The following ERI1 variants were observed in gnomAD, a reference collection of about 807,000 sequenced individuals.
ERI1 encodes the protein 3'-5' exoribonuclease 1.
A neutral mutation model predicts 39.7 loss-of-function variants in ERI1; 39 were observed. The observed-to-expected ratio is 0.98, with a 90% CI of 0.76 to 1.28. The LOEUF is 1.28. ERI1 is among the 50% of genes most tolerant of loss of function. The pLI is 0.00. For synonymous variants in ERI1, 204 were observed against 149.6 expected, an observed-to-expected ratio of 1.36 and a Z score of -2.65; for missense variants, 581 against 416.9, an observed-to-expected ratio of 1.39 and a Z score of -3.43.
downstream of ERI1, among the ~76,000 whole-genome samples, chr8:9,036,094 G>C (rs1797836363): frequency 6.6e-6 from 1 of 152,224 alleles, no homozygotes; most frequent in Admixed American, 6.5e-5. Flanking sequence ...GATTTCTTGA[G>C]ATGGAATCTA....
chr8:9,005,514 G>GTTTTTTT (rs60847461), intron 1 of ERI1, among the ~76,000 whole-genome samples: 3 of 130,820 alleles, frequency 2.3e-5, no homozygotes, highest in African/African-American at 5.6e-5. Context: ...GTTTTTTTAT[G>GTTTTTTT]TTTTTTTTTT....
chr8:9,092,327 A>G (rs1799733041), intron 3 of ERI1, among the ~76,000 whole-genome samples: 1 of 151,976 alleles, frequency 6.6e-6, no homozygotes, highest in Non-Finnish European at 1.5e-5. Flanking sequence ...TTATTTGGAG[A>G]GGATTTGGAG....
chr8:9,035,607 C>G (rs899110422), downstream of ERI1, among the ~76,000 whole-genome samples: 1 of 152,154 alleles, frequency 6.6e-6, no homozygotes, highest in Admixed American at 6.5e-5. Context: ...GACAATGCAT[C>G]TGGTCATCCA....
chr8:9,018,260 G>C (rs531042135), intron 4 of ERI1, 37 bp from the exon 5 acceptor site: 5 of 1,286,214 alleles, frequency 3.9e-6, no homozygotes, highest in South Asian at 1.2e-5. Context: ...TGAAGCTGCA[G>C]CCCTGATTTT....
chr8:9,063,982 G>A (rs573432007), intron 3 of ERI1, among the ~76,000 whole-genome samples: 6 of 152,126 alleles, frequency 3.9e-5, no homozygotes, highest in East Asian at 3.9e-4. Flanking sequence ...GTAGAGACAC[G>A]GAGGGAAGGG....
chr8:9,018,853 G>C (rs1032009839), intron 5 of ERI1, among the ~76,000 whole-genome samples: 2 of 152,122 alleles, frequency 1.3e-5, no homozygotes, highest in African/African-American at 4.8e-5. Flanking sequence ...TGTACTGAGA[G>C]TGTCTTCTCG....
intron 3 of ERI1, among the ~76,000 whole-genome samples, chr8:9,041,747 C>G (rs1004329567): frequency 2.0e-5 from 3 of 152,160 alleles, no homozygotes; most frequent in Admixed American, 1.3e-4. Context: ...AGATTTCTTT[C>G]TTTTTAGACA....
At chr8:9,022,323 C>G (rs1019118425) in intron 6 of ERI1, among the ~76,000 whole-genome samples, 2 of 152,072 alleles carry the variant, frequency 1.3e-5, no homozygotes, top group Non-Finnish European at 2.9e-5. Context: ...GTGTATTTTA[C>G]TGGTCTATAG....
intron 3 of ERI1, among the ~76,000 whole-genome samples, chr8:9,044,696 C>G (rs866182202): frequency 6.6e-6 from 1 of 152,088 alleles, no homozygotes; most frequent in Middle Eastern, 3.4e-3. Flanking sequence ...GTTTACCAAG[C>G]AGCAGACACA....
At chr8:9,006,155 C>G (rs1275513421) in intron 1 of ERI1, among the ~76,000 whole-genome samples, 3 of 152,182 alleles carry the variant, frequency 2.0e-5, no homozygotes, top group African/African-American at 4.8e-5. Flanking sequence ...TATTTTCTTT[C>G]TGCTCCTTGG....
At chr8:9,053,109 C>T (rs1012609719) in intron 3 of ERI1, among the ~76,000 whole-genome samples, 12 of 152,270 alleles carry the variant, frequency 7.9e-5, no homozygotes, top group African/African-American at 2.9e-4. Flanking sequence ...CTCTGCCTCC[C>T]GGGTTCAAGA....
chr8:9,054,785 C>T (rs749509795), intron 3 of ERI1, among the ~76,000 whole-genome samples: 1 of 152,124 alleles, frequency 6.6e-6, no homozygotes, highest in Non-Finnish European at 1.5e-5. Context: ...ATTAGCCAGG[C>T]GCAGTGGCGG....
chr8:9,080,121 T>C (rs1006867496), intron 3 of ERI1, among the ~76,000 whole-genome samples: 1 of 152,172 alleles, frequency 6.6e-6, no homozygotes, highest in Non-Finnish European at 1.5e-5. Context: ...GGTGTGGTTA[T>C]AGTGTTTGAT....
chr8:9,084,733 C>T (rs1485063865), intron 3 of ERI1, among the ~76,000 whole-genome samples: 1 of 152,128 alleles, frequency 6.6e-6, no homozygotes, highest in African/African-American at 2.4e-5. Flanking sequence ...AGTACCCTAA[C>T]TACATTAATA....
chr8:9,073,281 G>A (rs144543179), intron 3 of ERI1, among the ~76,000 whole-genome samples: 84 of 152,264 alleles, frequency 5.5e-4, no homozygotes, highest in South Asian at 1.4e-3. Flanking sequence ...ACATCGTCCC[G>A]AACATGCAAG....
intron 3 of ERI1, chr8:9,096,876 C>G (rs552773713): frequency 6.6e-5 from 10 of 152,186 alleles, no homozygotes; most frequent in Admixed American, 5.2e-4. Context: ...TCACTGTGCC[C>G]GGCCTCTGTT....
At chr8:9,004,241 A>C (rs1222499914) in intron 1 of ERI1, 24 of 1,225,848 alleles carry the variant, frequency 2.0e-5, no homozygotes, top group Non-Finnish European at 2.5e-5. Flanking sequence ...CTTGTAAAGA[A>C]CCACTCTTCC....
chr8:9,033,388 A>G (rs1797723756), downstream of ERI1: 7 of 152,242 alleles, frequency 4.6e-5, no homozygotes, highest in Admixed American at 3.9e-4. Flanking sequence ...TTTGTGCTAC[A>G]ATGGCAGAGT....
chr8:9,072,402 C>G (rs1799081380), intron 3 of ERI1: 1 of 152,170 alleles, frequency 6.6e-6, no homozygotes, highest in South Asian at 2.1e-4. Context: ...AGCATATGCG[C>G]AACCATTACC....
Sources: gnomAD v4.1 joint callset for allele counts (sites outside exome capture counted in the v4.1 genomes callset) on GRCh38, gnomAD v4.1.1 for gene constraint, MANE v1.5 for transcripts, NCBI Gene and HGNC (gene_info 2026-07-23, HGNC 2026-07-21) for gene names.